CAST: variants seen among roughly 807,000 people sequenced by gnomAD.
CAST encodes calpastatin, also known as MIR583 host.
A neutral mutation model predicts 119.6 loss-of-function variants in CAST; 76 were observed. The ratio of observed to expected loss-of-function variants is 0.64; its 90% CI spans 0.53 to 0.77. CAST has a LOEUF of 0.77. Ranked by LOEUF, CAST falls within the 30% of genes least tolerant of loss-of-function variation. CAST has a pLI of 0.00. For synonymous variants in CAST, 319 were observed against 331.6 expected, an observed-to-expected ratio of 0.96 and a Z score of 0.41; for missense variants, 953 against 946.5, an observed-to-expected ratio of 1.01 and a Z score of -0.09.
At chr5:96,265,163 C>G in the CAST span, among the ~76,000 whole-genome samples, 15 of 152,228 alleles carry the variant, frequency 9.9e-5, no homozygotes, top group African/African-American at 3.4e-4. Flanking sequence ...GAGTTCTGCT[C>G]TCTCCACTTG....
chr5:96,450,246 G>A, the CAST span, among the ~76,000 whole-genome samples: 2 of 152,048 alleles, frequency 1.3e-5, no homozygotes, highest in Non-Finnish European at 2.9e-5. Context: ...ATACATCATG[G>A]AACACTACTC....
chr5:96,100,881 C>T, the CAST span, among the ~76,000 whole-genome samples: 7 of 151,772 alleles, frequency 4.6e-5, no homozygotes, highest in Admixed American at 4.6e-4. Flanking sequence ...ATATTATGTA[C>T]AACATATATG....
At chr5:96,623,916 C>T (rs1042314054) in intron 1 of CAST, among the ~76,000 whole-genome samples, 4 of 151,942 alleles carry the variant, frequency 2.6e-5, no homozygotes, top group African/African-American at 9.7e-5. Flanking sequence ...CCAGGCTGGT[C>T]TCAAACTCCG....
the CAST span, among the ~76,000 whole-genome samples, chr5:96,093,371 G>A: frequency 6.6e-6 from 1 of 152,232 alleles, no homozygotes; most frequent in African/African-American, 2.4e-5. Flanking sequence ...TGAAGAATGA[G>A]TATGGCTTTG....
the CAST span, among the ~76,000 whole-genome samples, chr5:96,464,812 G>A: frequency 1.3e-5 from 2 of 152,000 alleles, no homozygotes; most frequent in Non-Finnish European, 2.9e-5. Context: ...AACATTGTTG[G>A]CTACAGATTT....
chr5:96,639,365 A>C (rs908421042), intron 1 of CAST, among the ~76,000 whole-genome samples: 2 of 152,320 alleles, frequency 1.3e-5, no homozygotes, highest in East Asian at 1.9e-4. Context: ...GAGAGATAGG[A>C]GAGCTTAGGG....
chr5:96,575,178 G>T (rs1746647079), intron 1 of CAST, among the ~76,000 whole-genome samples: 2 of 151,486 alleles, frequency 1.3e-5, no homozygotes, highest in African/African-American at 2.4e-5. Flanking sequence ...GAATTGCAAT[G>T]GTATTGTATT....
chr5:96,105,223 T>C, the CAST span, among the ~76,000 whole-genome samples: 1 of 151,946 alleles, frequency 6.6e-6, no homozygotes, highest in Non-Finnish European at 1.5e-5. Flanking sequence ...TGAATACCCT[T>C]TATTTCCTTC....
the CAST span, among the ~76,000 whole-genome samples, chr5:96,160,645 CA>C: frequency 2.4e-3 from 358 of 152,220 alleles, 3 homozygotes; most frequent in Non-Finnish European, 3.2e-3. Context: ...ATTGCTGTAC[CA>C]TATGGTAACC....
intron 1 of CAST, among the ~76,000 whole-genome samples, chr5:96,598,122 G>A (rs910707897): frequency 3.3e-5 from 5 of 152,068 alleles, no homozygotes; most frequent in East Asian, 1.9e-4. Context: ...ATGAGAATTC[G>A]CTGGACTTGC....
At chr5:96,328,845 C>T in the CAST span, among the ~76,000 whole-genome samples, 1 of 152,168 alleles carries the variant, frequency 6.6e-6, no homozygotes, top group Admixed American at 6.5e-5. Flanking sequence ...GCTCTGCCTC[C>T]TCAGTTATTT....
the CAST span, chr5:96,434,078 T>A: frequency 1.3e-5 from 2 of 152,036 alleles, no homozygotes; most frequent in Non-Finnish European, 2.9e-5. Flanking sequence ...CGACTTTCCA[T>A]TGTGCCTCAG....
chr5:96,661,895 C>A (rs1252727884), upstream of CAST, among the ~76,000 whole-genome samples: 2 of 152,358 alleles, frequency 1.3e-5, no homozygotes, highest in Middle Eastern at 3.4e-3. Context: ...TTTTTGTGAT[C>A]CGCTTCCTTA....
chr5:96,337,129 C>T, the CAST span, among the ~76,000 whole-genome samples: 2 of 151,996 alleles, frequency 1.3e-5, no homozygotes, highest in Admixed American at 1.3e-4. Flanking sequence ...ACCCTGAAAG[C>T]GAAACTGAGC....
chr5:96,306,334 T>C, the CAST span, among the ~76,000 whole-genome samples: 1 of 152,230 alleles, frequency 6.6e-6, no homozygotes, highest in East Asian at 1.9e-4. Context: ...GATTTTTCTC[T>C]CTTTTCTTGT....
At chr5:96,220,197 A>G in the CAST span, among the ~76,000 whole-genome samples, 1 of 152,234 alleles carries the variant, frequency 6.6e-6, no homozygotes, top group Admixed American at 6.5e-5. Context: ...GTACAAAGAT[A>G]TAAGAGGAGT....
the CAST span, among the ~76,000 whole-genome samples, chr5:96,424,961 CAA>C: frequency 1.1e-5 from 1 of 94,704 alleles, no homozygotes; most frequent in African/African-American, 4.3e-5. Context: ...AAAACTCTGT[CAA>C]AAAAAAAAAG....
At chr5:96,044,265 A>C in the CAST span, among the ~76,000 whole-genome samples, 4 of 152,208 alleles carry the variant, frequency 2.6e-5, no homozygotes, top group Non-Finnish European at 5.9e-5. Flanking sequence ...TGGTATTAGA[A>C]GGTTGTGACT....
intron 3 of CAST, among the ~76,000 whole-genome samples, chr5:96,696,532 C>T (rs765366791): frequency 6.6e-6 from 1 of 151,736 alleles, no homozygotes; most frequent in East Asian, 1.9e-4. Context: ...TCACTGAAAC[C>T]TCACCTTTCG....
Sources: allele counts gnomAD v4.1 joint callset (sites outside exome capture counted in the v4.1 genomes callset), GRCh38; gene constraint gnomAD v4.1.1; transcripts MANE v1.5; gene names NCBI Gene and HGNC (gene_info 2026-07-23, HGNC 2026-07-21).